PACRG: variants seen among roughly 807,000 people sequenced by gnomAD.
The protein encoded by PACRG is parkin coregulated.
In PACRG, 29 loss-of-function variants were observed where a neutral mutation model predicts 29.7. That is an observed-to-expected ratio of 0.98 (90% CI 0.73 to 1.33). PACRG has a LOEUF of 1.33. Among genes scored for constraint, PACRG ranks in the 40% most tolerant of loss-of-function variants. The pLI is 0.00. For synonymous variants in PACRG, 116 were observed against 118.7 expected (o/e 0.98, Z 0.15); for missense variants, 279 against 316.2 (o/e 0.88, Z 0.89).
At chr6:162,796,316 A>G (rs564167259) in intron 1 of PACRG, among the ~76,000 whole-genome samples, 2 of 152,190 alleles carry the variant, frequency 1.3e-5, no homozygotes, top group South Asian at 4.1e-4. Flanking sequence ...TCAAAACTGA[A>G]AGTTTATTTA....
intron 2 of PACRG, among the ~76,000 whole-genome samples, chr6:162,983,955 T>G (rs1233382714): frequency 6.6e-6 from 1 of 152,038 alleles, no homozygotes; most frequent in Non-Finnish European, 1.5e-5. Context: ...ATTCTTAGGT[T>G]TACCTGTTTA....
At chr6:162,763,038 C>A (rs1782498607) in intron 1 of PACRG, among the ~76,000 whole-genome samples, 1 of 152,188 alleles carries the variant, frequency 6.6e-6, no homozygotes, top group African/African-American at 2.4e-5. Flanking sequence ...ATGATCCTGG[C>A]AGGTTCTGTG....
intron 2 of PACRG, among the ~76,000 whole-genome samples, chr6:162,863,209 C>T (rs1792012366): frequency 6.6e-6 from 1 of 152,212 alleles, no homozygotes; most frequent in Admixed American, 6.5e-5. Flanking sequence ...ATGTGCTCTA[C>T]TGGTATTTGT....
intron 2 of PACRG, among the ~76,000 whole-genome samples, chr6:162,855,481 G>C (rs1158702826): frequency 1.3e-5 from 2 of 152,028 alleles, no homozygotes; most frequent in Non-Finnish European, 2.9e-5. Context: ...ATAGCCATCT[G>C]TCTTAAACTG....
intron 1 of PACRG, among the ~76,000 whole-genome samples, chr6:162,768,852 AT>A (rs1782993965): frequency 6.6e-6 from 1 of 152,274 alleles, no homozygotes; most frequent in African/African-American, 2.4e-5. Context: ...AGTCCAAATT[AT>A]TTTGGGAATT....
intron 4 of PACRG, among the ~76,000 whole-genome samples, chr6:163,199,766 C>T (rs1168867018): frequency 1.3e-5 from 2 of 152,198 alleles, no homozygotes; most frequent in African/African-American, 4.8e-5. Flanking sequence ...TTTAACTTAG[C>T]CCCAGAGGCA....
chr6:162,869,470 G>GA (rs750438569), intron 2 of PACRG, among the ~76,000 whole-genome samples: 5 of 152,134 alleles, frequency 3.3e-5, no homozygotes, highest in South Asian at 2.1e-4. Context: ...CTATTGTCAG[G>GA]AAAAAAAGCG....
chr6:163,088,212 G>C (rs1014137116), intron 3 of PACRG, among the ~76,000 whole-genome samples: 1 of 152,178 alleles, frequency 6.6e-6, no homozygotes, highest in Non-Finnish European at 1.5e-5. Context: ...TATAGCCTGG[G>C]TCCTTTTGTC....
chr6:163,036,528 C>T (rs572197806), intron 2 of PACRG, among the ~76,000 whole-genome samples: 7 of 152,272 alleles, frequency 4.6e-5, no homozygotes, highest in African/African-American at 1.4e-4. Context: ...GAACAATGAG[C>T]CTAAATAAGT....
intron 1 of PACRG, among the ~76,000 whole-genome samples, chr6:162,791,166 G>T (rs59885673): frequency 0.22 from 32,870 of 151,984 alleles, 4,319 homozygotes; most frequent in African/African-American, 0.34. Context: ...GTGACATATA[G>T]AGAGAGAAGC....
At chr6:162,886,315 C>A (rs1021642715) in intron 2 of PACRG, among the ~76,000 whole-genome samples, 2 of 152,142 alleles carry the variant, frequency 1.3e-5, no homozygotes, top group African/African-American at 4.8e-5. Flanking sequence ...ACTGGGAAAG[C>A]CAGGTCCTTC....
chr6:163,020,976 G>A (rs923688156), intron 2 of PACRG, among the ~76,000 whole-genome samples: 1 of 151,998 alleles, frequency 6.6e-6, no homozygotes, highest in Non-Finnish European at 1.5e-5. Context: ...ATGGCTTCAT[G>A]ACACGATCTC....
chr6:162,989,440 T>C (rs1803214557), intron 2 of PACRG, among the ~76,000 whole-genome samples: 1 of 152,160 alleles, frequency 6.6e-6, no homozygotes, highest in Admixed American at 6.5e-5. Flanking sequence ...CCATGGATGC[T>C]CAAGTACCTG....
chr6:163,120,825 C>T (rs145767176), intron 4 of PACRG, among the ~76,000 whole-genome samples: 23 of 152,230 alleles, frequency 1.5e-4, no homozygotes, highest in African/African-American at 4.1e-4. Flanking sequence ...CCTTGTCAGC[C>T]GGGGGAATAA....
chr6:163,284,258 A>G (rs1784316318), intron 4 of PACRG, among the ~76,000 whole-genome samples: 1 of 152,228 alleles, frequency 6.6e-6, no homozygotes, highest in Admixed American at 6.5e-5. Flanking sequence ...AAAACAAGCC[A>G]AGGTTCAGAG....
intron 2 of PACRG, among the ~76,000 whole-genome samples, chr6:163,033,675 A>G (rs1385329133): frequency 1.3e-5 from 2 of 152,256 alleles, no homozygotes; most frequent in South Asian, 2.1e-4. Flanking sequence ...ATAGAAAGAT[A>G]AAAGATAGAG....
chr6:163,153,554 AAG>A (rs1183919973), intron 4 of PACRG, among the ~76,000 whole-genome samples: 1 of 152,240 alleles, frequency 6.6e-6, no homozygotes. Context: ...GAGTTTCTAA[AAG>A]GGGATTTTTT....
chr6:162,728,516 T>G, intron 1 of PACRG, 125 bp downstream of exon 1: 1 of 1,200,916 alleles, frequency 8.3e-7, no homozygotes, highest in Non-Finnish European at 1.2e-6. Context: ...AAAAAGGCAG[T>G]TACTTGGCAA....
At chr6:163,131,315 CAAAAAAAAAAA>C (rs55958953) in intron 4 of PACRG, among the ~76,000 whole-genome samples, 4 of 136,186 alleles carry the variant, frequency 2.9e-5, no homozygotes, top group Non-Finnish European at 3.1e-5. Flanking sequence ...CTGTCTCAAA[CAAAAAAAAAAA>C]AAAAAAAAAA....
Sources: allele counts gnomAD v4.1 joint callset (sites outside exome capture counted in the v4.1 genomes callset), GRCh38; gene constraint gnomAD v4.1.1; transcripts MANE v1.5; gene names NCBI Gene and HGNC (gene_info 2026-07-23, HGNC 2026-07-21).